The following DHX40 variants were observed in gnomAD, a reference collection of about 807,000 sequenced individuals.
The protein encoded by DHX40 is DEAH-box helicase 40.
A neutral mutation model predicts 89.6 loss-of-function variants in DHX40; 28 were observed. The ratio of observed to expected loss-of-function variants is 0.31; its 90% CI spans 0.23 to 0.43. The LOEUF is 0.43. Ranked by LOEUF, DHX40 falls within the 20% of genes least tolerant of loss-of-function variation. The pLI, the probability that DHX40 is intolerant of heterozygous loss-of-function variation, is 1.00. For missense variants in DHX40, 457 were observed against 844.0 expected (o/e 0.54, Z 5.68); for synonymous variants, 226 against 283.6 (o/e 0.80, Z 2.04).
intron 11 of DHX40, among the ~76,000 whole-genome samples, chr17:59,586,960 C>T (rs1444750235): frequency 6.6e-6 from 1 of 151,972 alleles, no homozygotes; most frequent in Admixed American, 6.6e-5. Flanking sequence ...TCGAGACAAG[C>T]CTGAGAAACA....
intron 15 of DHX40, chr17:59,604,561 A>T (rs927846655): frequency 6.5e-6 from 1 of 153,880 alleles, no homozygotes; most frequent in Non-Finnish European, 1.4e-5. Context: ...AACTAGGTTT[A>T]TTTTTTTGAC....
At chr17:59,605,313 G>A in intron 16 of DHX40, 129 bp downstream of exon 16, 2 of 1,230,862 alleles carry the variant, frequency 1.6e-6, no homozygotes, top group Non-Finnish European at 2.3e-6. Flanking sequence ...ATCTATAAGG[G>A]TATTGGTTGG....
chr17:59,592,032 C>G (rs923949846), intron 12 of DHX40, among the ~76,000 whole-genome samples: 9 of 151,660 alleles, frequency 5.9e-5, no homozygotes, highest in African/African-American at 1.9e-4. Context: ...CCATGCCTGA[C>G]TAATTTTTAA....
chr17:59,588,174 A>G (rs914749625), intron 12 of DHX40, 121 bp downstream of exon 12: 29 of 1,318,080 alleles, frequency 2.2e-5, no homozygotes, highest in South Asian at 7.1e-5. Context: ...TGAGGTCAGA[A>G]GTTGGAAGAC....
In DHX40 at chr17:59,605,563, C is replaced by T. The variant is rs777091523; in HGVS notation, c.2089C>T (p.Pro697Ser). Residue 697 changes from proline (P) to serine (S), a missense_variant, in exon 17 of 18, where the codon CCC becomes TCC. Coordinates refer to ENST00000251241, the MANE Select transcript of DHX40 (RefSeq NM_024612.5). ...TTATGAATGGGTAAGAGACTTGTTA[C>T]CCAAGTTGCATGAATTTAATGCACA... Reference protein sequence around the residue: ...IRYEWVRDLLPKLHEFNAHDL... With the variant: ...IRYEWVRDLLSKLHEFNAHDL... 2 of 1,614,098 alleles carry T rather than the reference C, an allele frequency of 1.2e-6. No individual in the cohort carries two copies. The highest frequency in any genetic ancestry group is 1.7e-6 in the Non-Finnish European group (2 of 1,180,018).
At chr17:59,576,832 A>G (rs1044567333) in intron 7 of DHX40, among the ~76,000 whole-genome samples, 9 of 151,514 alleles carry the variant, frequency 5.9e-5, no homozygotes, top group East Asian at 3.9e-4. Context: ...TTACTGCTAC[A>G]TTGAAAATAA....
intron 12 of DHX40, among the ~76,000 whole-genome samples, chr17:59,594,944 G>C (rs1287518008): frequency 1.3e-5 from 2 of 151,854 alleles, no homozygotes; most frequent in Non-Finnish European, 1.5e-5. Flanking sequence ...GATTGTCTTT[G>C]GTAATTTTGA....
At chr17:59,605,936 G>T in intron 17 of DHX40, 1 of 487,374 alleles carries the variant, frequency 2.1e-6, no homozygotes, top group Non-Finnish European at 3.7e-6. Flanking sequence ...GTGCACTCCA[G>T]CCTGGGGGTG....
At chr17:59,576,553 C>T (rs1378133009) in intron 7 of DHX40, among the ~76,000 whole-genome samples, 1 of 152,056 alleles carries the variant, frequency 6.6e-6, no homozygotes, top group Non-Finnish European at 1.5e-5. Flanking sequence ...CATAGATGTG[C>T]TATTTTGGAA....
At chr17:59,570,401 G>C (rs1433611964) in intron 2 of DHX40, 117 bp from the exon 3 acceptor site, 1 of 941,430 alleles carries the variant, frequency 1.1e-6, no homozygotes, top group Non-Finnish European at 1.5e-6. Context: ...TTTAATTTGC[G>C]AGATATTCTT....
chr17:59,572,979 T>C, intron 3 of DHX40, 137 bp from the exon 4 acceptor site: 1 of 850,046 alleles, frequency 1.2e-6, no homozygotes, highest in South Asian at 2.3e-5. Context: ...TCATTTTGTA[T>C]ACATAAGTTA....
intron 10 of DHX40, among the ~76,000 whole-genome samples, chr17:59,580,807 C>T (rs998346714): frequency 3.3e-5 from 5 of 150,706 alleles, no homozygotes; most frequent in East Asian, 3.9e-4. Flanking sequence ...GGGGGCTGGG[C>T]GTGGTGGCTC....
chr17:59,588,238 A>C (rs2049028835), intron 12 of DHX40, among the ~76,000 whole-genome samples, 185 bp downstream of exon 12: 1 of 150,406 alleles, frequency 6.6e-6, no homozygotes, highest in African/African-American at 2.5e-5. Context: ...AAAAAAAAAA[A>C]AAACCAAAAA....
At chr17:59,596,823 C>T (rs959184013) in intron 12 of DHX40, among the ~76,000 whole-genome samples, 1 of 152,142 alleles carries the variant, frequency 6.6e-6, no homozygotes, top group Non-Finnish European at 1.5e-5. Context: ...TTACTTTCCT[C>T]CTAGTAACAG....
chr17:59,565,788 G>T lies in DHX40; in HGVS notation c.112+5G>T. ...CTGTTTGCATCGCCGATAGAGGTGC[G>T]GTCCGCGGGACGGTACGGAAGCCAG... On this transcript the variant is annotated splice_donor_5th_base_variant and intron_variant, in intron 1 of 17. Transcript: ENST00000251241. 6.3e-7 allele frequency: 1 copy of T among 1,596,378 alleles called. No homozygotes were observed. The highest frequency in any genetic ancestry group is 8.5e-7 in the Non-Finnish European group (1 of 1,175,148).
intron 17 of DHX40, 90 bp downstream of exon 17, chr17:59,605,764 C>T (rs2030805854): frequency 1.6e-6 from 2 of 1,239,132 alleles, no homozygotes; most frequent in South Asian, 1.3e-5. Flanking sequence ...AATGTTGTGA[C>T]CCACCTGGGC....
Position 59,604,881 on chromosome 17 carries a change from C to CCTTATACCTAATTGTAGTGA in DHX40, c.1902-211_1902-192dup, listed in dbSNP as rs895033692. The CCTTATACCTAATTGTAGTGA allele has an allele frequency of 1.9e-5, 9 of 467,684 alleles. No individual in the cohort carries two copies. The Admixed American group carries it at 2.1e-4, about 11-fold the overall frequency. The allele number at this position is 467,684 out of a possible 1,614,324, so 29.0% of individuals were successfully genotyped here. On this transcript the variant is annotated intron_variant, in intron 15 of 17. Transcript: ENST00000251241. ...ATTATTGTTAATATTTGTACTGATT[C>CCTTATACCTAATTGTAGTGA]CTTATACCTAATTGTAGTGACTTAT... is the stretch of plus-strand genomic sequence containing the variant.
chr17:59,570,103 T>TAATATATATATAATATATATATA (rs1567857939), intron 2 of DHX40, among the ~76,000 whole-genome samples: 9 of 127,796 alleles, frequency 7.0e-5, no homozygotes, highest in Non-Finnish European at 1.3e-4. Flanking sequence ...ATAGTATATA[T>TAATATATATATAATATATATATA]TATAATATAT....
chr17:59,577,650 G>A (rs1040758377), intron 8 of DHX40, among the ~76,000 whole-genome samples: 7 of 151,256 alleles, frequency 4.6e-5, no homozygotes, highest in Admixed American at 2.0e-4. Flanking sequence ...ATTCACAGGC[G>A]TGCAGTCATA....
Sources: allele counts gnomAD v4.1 joint callset (sites outside exome capture counted in the v4.1 genomes callset), GRCh38; gene constraint gnomAD v4.1.1; transcripts MANE v1.5; gene names NCBI Gene and HGNC (gene_info 2026-07-23, HGNC 2026-07-21).